WWOX: variants seen among roughly 807,000 people sequenced by gnomAD.
The protein encoded by WWOX is WW domain-containing oxidoreductase.
Under a neutral mutation model 46.2 loss-of-function variants are expected in WWOX, and 69 were observed. The observed-to-expected ratio is 1.49, with a 90% CI of 1.23 to 1.82. The LOEUF (loss-of-function observed/expected upper bound fraction) is 1.82, where lower values mean the gene tolerates loss of function less well. Among genes scored for constraint, WWOX ranks in the 40% most tolerant of loss-of-function variants. WWOX has a pLI of 0.00. For synonymous variants in WWOX, 359 were observed against 202.6 expected (o/e 1.77, Z -6.56); for missense variants, 919 against 542.6 (o/e 1.69, Z -6.89).
intron 5 of WWOX, among the ~76,000 whole-genome samples, chr16:78,382,879 G>C (rs1042324185): frequency 2.0e-5 from 3 of 150,932 alleles, no homozygotes; most frequent in African/African-American, 4.8e-5. Flanking sequence ...ACATACCTGA[G>C]ACTGTGTAAT....
At chr16:78,939,247 G>A (rs774525930) in intron 8 of WWOX, among the ~76,000 whole-genome samples, 13 of 152,142 alleles carry the variant, frequency 8.5e-5, no homozygotes, top group Non-Finnish European at 1.8e-4. Flanking sequence ...TGGGTGTTGG[G>A]CTTTAAAGAT....
chr16:78,829,850 A>G (rs1286424230), intron 8 of WWOX, among the ~76,000 whole-genome samples: 2 of 152,160 alleles, frequency 1.3e-5, no homozygotes. Flanking sequence ...TTCTTTGAGT[A>G]GTTTTATTAA....
rs191473160 is a variant in WWOX, at chr16:78,767,393, C to T, written c.1056+334641C>T. Reference sequence around the variant, plus strand: ...CCGGTCATCCACCCGCCTGGGCTTCCCAAAGCGCTGAGATGACTGCGCCAC... The same window carrying T: ...CCGGTCATCCACCCGCCTGGGCTTCTCAAAGCGCTGAGATGACTGCGCCAC... On this transcript the variant is annotated intron_variant, in intron 8 of 8. Transcript: ENST00000566780. Among the ~76,000 whole-genome samples the T allele has an allele frequency of 1.2e-3, 181 of 152,062 alleles. 1 individual carries two copies. Among genetic ancestry groups the T allele is most frequent in the African/African-American group, 4.3e-3 (178 of 41,456 alleles).
intron 8 of WWOX, among the ~76,000 whole-genome samples, chr16:78,874,569 C>T (rs1451268874): frequency 6.6e-6 from 1 of 151,632 alleles, no homozygotes; most frequent in Non-Finnish European, 1.5e-5. Flanking sequence ...CAAAAGATGT[C>T]TGGATGGTCT....
At chr16:79,057,826 G>C (rs532136163) in intron 8 of WWOX, among the ~76,000 whole-genome samples, 2 of 152,104 alleles carry the variant, frequency 1.3e-5, no homozygotes, top group Admixed American at 1.3e-4. Flanking sequence ...GCCAAGTTCC[G>C]CTGAGACTCC....
At position 79,212,138 on chromosome 16, in the gene WWOX, C is replaced by A; in HGVS notation, c.*342C>A. On this transcript the variant is annotated 3_prime_UTR_variant, in exon 9 of 9. Transcript: ENST00000566780. Reference sequence around the variant, plus strand: ...TTACTGTTATAGAATAGCCTGAGGTCCCCTCGTCCCATCCAGCTACCACCA... The same window carrying A: ...TTACTGTTATAGAATAGCCTGAGGTACCCTCGTCCCATCCAGCTACCACCA... The A allele has an allele frequency of 6.6e-7, 1 of 1,520,856 alleles. No individual in the cohort carries two copies. Among genetic ancestry groups the A allele is most frequent in the East Asian group, 2.5e-5 (1 of 40,726 alleles). The allele number at this position is 1,520,856 out of a possible 1,614,324, so 94.2% of individuals were successfully genotyped here.
intron 8 of WWOX, among the ~76,000 whole-genome samples, chr16:78,688,773 T>C (rs915395166): frequency 1.2e-4 from 18 of 152,254 alleles, no homozygotes; most frequent in African/African-American, 4.3e-4. Context: ...CCAAATCTCA[T>C]CTTGAGTTGT....
intron 8 of WWOX, among the ~76,000 whole-genome samples, chr16:78,678,390 T>A (rs1418457849): frequency 6.6e-6 from 1 of 152,214 alleles, no homozygotes; most frequent in African/African-American, 2.4e-5. Context: ...AATATTTATC[T>A]ATATTGAGTG....
chr16:78,909,331 C>T (rs974225757), intron 8 of WWOX, among the ~76,000 whole-genome samples: 7 of 152,138 alleles, frequency 4.6e-5, no homozygotes, highest in African/African-American at 1.2e-4. Flanking sequence ...AATCCAGATC[C>T]GCTTTGGTAA....
intron 8 of WWOX, among the ~76,000 whole-genome samples, chr16:79,161,445 G>A (rs1272221619): frequency 1.3e-5 from 2 of 152,192 alleles, no homozygotes; most frequent in African/African-American, 4.8e-5. Flanking sequence ...AAAGAGAGAG[G>A]AGGAGTAGGG....
intron 6 of WWOX, among the ~76,000 whole-genome samples, chr16:78,414,278 G>C (rs1169380205): frequency 1.3e-5 from 2 of 152,174 alleles, no homozygotes; most frequent in Non-Finnish European, 2.9e-5. Context: ...TGATTAAAAA[G>C]CTTTATTGCT....
chr16:78,773,643 C>T (rs964677885), intron 8 of WWOX, among the ~76,000 whole-genome samples: 2 of 152,126 alleles, frequency 1.3e-5, no homozygotes, highest in African/African-American at 2.4e-5. Context: ...CATTGTTTTC[C>T]GCTACTCACT....
chr16:78,869,997 A>G (rs749314970), intron 8 of WWOX, among the ~76,000 whole-genome samples: 11 of 152,196 alleles, frequency 7.2e-5, no homozygotes, highest in African/African-American at 2.4e-4. Context: ...ACACAGATCA[A>G]AGTCTCTCCA....
intron 8 of WWOX, among the ~76,000 whole-genome samples, chr16:78,873,921 T>C (rs1170237602): frequency 6.6e-6 from 1 of 152,104 alleles, no homozygotes; most frequent in Non-Finnish European, 1.5e-5. Context: ...GAAGACTTCA[T>C]TCTAGTGGCC....
rs191029547 is a variant in WWOX, at chr16:78,557,351, C to T, written c.1056+124599C>T. ...CAACTTCAGTGATATTATTTCTCCG[C>T]CCCCCGCACCGGGCTCTTGGGAATA... is the stretch of plus-strand genomic sequence containing the variant. On this transcript the variant is annotated intron_variant, in intron 8 of 8. Coordinates refer to ENST00000566780, the MANE Select transcript of WWOX (RefSeq NM_016373.4). Among the ~76,000 whole-genome samples, 381 of 152,222 alleles carry T rather than the reference C, an allele frequency of 2.5e-3. 2 individuals carry two copies. The highest frequency in any genetic ancestry group is 9.0e-3 in the African/African-American group (373 of 41,538).
chr16:78,148,206 C>G (rs898777496), intron 4 of WWOX, among the ~76,000 whole-genome samples: 2 of 152,170 alleles, frequency 1.3e-5, no homozygotes, highest in Non-Finnish European at 2.9e-5. Context: ...ATAAATCTTT[C>G]TACTTCTAAA....
chr16:78,736,630 C>G (rs917753846), intron 8 of WWOX, among the ~76,000 whole-genome samples: 4 of 151,600 alleles, frequency 2.6e-5, no homozygotes, highest in East Asian at 1.9e-4. Context: ...TAGGATCTGT[C>G]TCTTTCCCCC....
intron 5 of WWOX, among the ~76,000 whole-genome samples, chr16:78,378,283 C>G (rs963259770): frequency 2.0e-5 from 3 of 152,078 alleles, no homozygotes; most frequent in Admixed American, 6.5e-5. Flanking sequence ...CTCCCCTTTC[C>G]TGCGAATCCT....
At chr16:78,822,700 A>C (rs1174789122) in intron 8 of WWOX, among the ~76,000 whole-genome samples, 2 of 152,196 alleles carry the variant, frequency 1.3e-5, no homozygotes, top group Non-Finnish European at 2.9e-5. Flanking sequence ...AAAGCTTTTT[A>C]TGCAACATCA....
Sources: allele counts gnomAD v4.1 joint callset (sites outside exome capture counted in the v4.1 genomes callset), GRCh38; gene constraint gnomAD v4.1.1; transcripts MANE v1.5; gene names NCBI Gene and HGNC (gene_info 2026-07-23, HGNC 2026-07-21).